Variants in HMCN1 observed in about 807,000 individuals in gnomAD.
HMCN1 encodes hemicentin 1, also known as hemicentin-1.
HMCN1 carries 321 observed loss-of-function variants against 625.9 expected under a neutral mutation model. The observed-to-expected ratio is 0.51, with a 90% confidence interval of 0.47 to 0.56. The LOEUF (loss-of-function observed/expected upper bound fraction) is 0.56. Among genes scored for constraint, HMCN1 ranks in the 20% least tolerant of loss-of-function variants. The pLI is 0.00. For synonymous variants in HMCN1, 2,425 were observed against 2,417.6 expected (o/e 1.00, Z -0.09); for missense variants, 6,588 against 6,887.3 (o/e 0.96, Z 1.54).
In HMCN1 at chr1:185,787,221, A is replaced by G. The variant is rs1657678535; in HGVS notation, c.268+52174A>G. Among the ~76,000 whole-genome samples, 4 of 152,014 alleles carry G rather than the reference A, an allele frequency of 2.6e-5. No individual in the cohort carries two copies. The South Asian group carries it at 8.3e-4, about 31-fold the overall frequency. ...AATGAACAATTGGCCTGAAAGGCAG[A>G]CAGAAAATATTTACCTTCTGGGATA... On this transcript the variant is annotated intron_variant, in intron 1 of 106. Coordinates refer to ENST00000271588, the MANE Select transcript of HMCN1 (RefSeq NM_031935.3).
chr1:185,777,893 A>C (rs1346017400), intron 1 of HMCN1, among the ~76,000 whole-genome samples: 2 of 152,174 alleles, frequency 1.3e-5, no homozygotes, highest in Non-Finnish European at 1.5e-5. Flanking sequence ...AGGACTGGAT[A>C]TATTGGGCAT....
At chr1:186,012,706 T>C (rs917835569) in intron 30 of HMCN1, among the ~76,000 whole-genome samples, 1 of 152,186 alleles carries the variant, frequency 6.6e-6, no homozygotes, top group Non-Finnish European at 1.5e-5. Context: ...CAAATGAGCC[T>C]CTCAGAAATT....
chr1:185,831,457 C>T (rs1571416326), intron 1 of HMCN1, among the ~76,000 whole-genome samples: 1 of 152,248 alleles, frequency 6.6e-6, no homozygotes, highest in East Asian at 1.9e-4. Context: ...CGGGGAAACA[C>T]TAGAAGCACT....
At chr1:185,928,708 T>C (rs1181850930) in intron 10 of HMCN1, 41 bp downstream of exon 10, 1 of 1,603,890 alleles carries the variant, frequency 6.2e-7, no homozygotes, top group African/African-American at 1.3e-5. Flanking sequence ...CAAGTATTAA[T>C]GCAGCTATGG....
At chr1:185,978,967 C>T (rs2101993185) in intron 16 of HMCN1, among the ~76,000 whole-genome samples, 1 of 152,266 alleles carries the variant, frequency 6.6e-6, no homozygotes, top group Non-Finnish European at 1.5e-5. Context: ...TGTCGTGAAC[C>T]ACCATGTCTG....
At chr1:186,033,143 CA>C (rs1220798723) in intron 36 of HMCN1, among the ~76,000 whole-genome samples, 4 of 151,822 alleles carry the variant, frequency 2.6e-5, no homozygotes, top group Non-Finnish European at 5.9e-5. Context: ...ATGTCTTTTG[CA>C]GCAACTTGGA....
At chr1:185,770,363 T>C (rs903238805) in intron 1 of HMCN1, among the ~76,000 whole-genome samples, 2 of 152,162 alleles carry the variant, frequency 1.3e-5, no homozygotes, top group Non-Finnish European at 2.9e-5. Context: ...AAGACCACAA[T>C]TGGGTAGTTG....
intron 70 of HMCN1, 104 bp downstream of exon 70, chr1:186,107,069 A>G: frequency 1.2e-6 from 1 of 811,200 alleles, no homozygotes; most frequent in South Asian, 1.4e-5. Flanking sequence ...AAGTTAGGGA[A>G]TATATATTTT....
At chr1:185,931,526 T>G (rs985517612) in intron 10 of HMCN1, among the ~76,000 whole-genome samples, 1 of 152,072 alleles carries the variant, frequency 6.6e-6, no homozygotes, top group Non-Finnish European at 1.5e-5. Flanking sequence ...TGTATGTTAG[T>G]AGAAAGTTGG....
rs370113249 is a variant in HMCN1, at chr1:185,952,393, A to G, written c.1829-10125A>G. 6.6e-3 allele frequency among the ~76,000 whole-genome samples: 1,000 copies of G among 151,638 alleles called. 26 individuals carry two copies. Among genetic ancestry groups the G allele is most frequent in the African/African-American group, 0.023 (949 of 41,086 alleles). ...GGAGAGGTCAGATGGGTCTGTAGAA[A>G]AGGAAGATTAGAAAGACTCAGCGAC... On this transcript the variant is annotated intron_variant, in intron 11 of 106. Coordinates refer to ENST00000271588, the MANE Select transcript of HMCN1 (RefSeq NM_031935.3).
intron 4 of HMCN1, among the ~76,000 whole-genome samples, chr1:185,904,747 A>G (rs1345095864): frequency 6.6e-6 from 1 of 151,828 alleles, no homozygotes; most frequent in East Asian, 1.9e-4. Context: ...ACCTATGCAA[A>G]TGGCAGTTGT....
At chr1:185,967,440 A>C (rs1412137570) in intron 14 of HMCN1, among the ~76,000 whole-genome samples, 1 of 152,134 alleles carries the variant, frequency 6.6e-6, no homozygotes, top group Non-Finnish European at 1.5e-5. Context: ...TCAATAATCT[A>C]TCATTTTGCT....
chr1:186,108,352 A>G (rs781181182), intron 70 of HMCN1, 109 bp from the exon 71 acceptor site: 173 of 1,519,502 alleles, frequency 1.1e-4, no homozygotes, highest in Middle Eastern at 6.8e-4. Context: ...AAATTAAATG[A>G]GTAATGTTTT....
chr1:186,065,569 A>AT, intron 49 of HMCN1, 140 bp downstream of exon 49: 1 of 575,776 alleles, frequency 1.7e-6, no homozygotes, highest in Non-Finnish European at 2.9e-6. Context: ...TACATTTACT[A>AT]TTTTTCCTGA....
intron 1 of HMCN1, among the ~76,000 whole-genome samples, chr1:185,783,543 T>G (rs977127362): frequency 2.6e-5 from 4 of 152,202 alleles, no homozygotes; most frequent in Non-Finnish European, 5.9e-5. Context: ...TCCTTTCTGT[T>G]TGTTAGTTTT....
intron 89 of HMCN1, among the ~76,000 whole-genome samples, chr1:186,140,540 C>G (rs1422460019): frequency 6.6e-6 from 1 of 152,164 alleles, no homozygotes; most frequent in African/African-American, 2.4e-5. Context: ...ACTTTCTTCA[C>G]TTGTTTAAGG....
At position 186,055,553 on chromosome 1, in the gene HMCN1, A is replaced by C; in HGVS notation, c.7023A>C (p.Ile2341=). The C allele has an allele frequency of 6.2e-7, 1 of 1,612,918 alleles. No homozygotes were observed. The highest frequency in any genetic ancestry group is 1.3e-5 in the African/African-American group (1 of 74,942). ...HPLIKAKGVE[I]LDEGHILQLK... ...TGATCAAGGCAAAGGGAGTAGAAAT[A>C]CTGGATGAAGGTCACATCCTTCAGC... The change falls in exon 45 of 107, where the codon ATA becomes ATC. Residue 2341 remains isoleucine (I), a synonymous_variant. Transcript: ENST00000271588.
intron 1 of HMCN1, among the ~76,000 whole-genome samples, chr1:185,821,592 A>G (rs1386957457): frequency 2.0e-5 from 3 of 152,038 alleles, no homozygotes; most frequent in Admixed American, 6.6e-5. Flanking sequence ...TCTGATGACA[A>G]TTATACTCAT....
chr1:186,152,999 A>T lies in HMCN1; in HGVS notation c.15018+128A>T, dbSNP rs1650771976. ...TGTCCAAACTACCAAGGCTATAAAT[A>T]ACTATCTGATCTTTGTTTAAAAATC... On this transcript the variant is annotated intron_variant, in intron 96 of 106. Coordinates refer to ENST00000271588, the MANE Select transcript of HMCN1 (RefSeq NM_031935.3). The T allele has an allele frequency of 6.4e-6, 8 of 1,240,516 alleles. No individual in the cohort carries two copies. The East Asian group carries it at 1.9e-4, about 30-fold the overall frequency. The allele number at this position is 1,240,516 out of a possible 1,614,324, so 76.8% of individuals were successfully genotyped here.
Sources: allele counts gnomAD v4.1 joint callset (sites outside exome capture counted in the v4.1 genomes callset), GRCh38; gene constraint gnomAD v4.1.1; transcripts MANE v1.5; gene names NCBI Gene and HGNC (gene_info 2026-07-23, HGNC 2026-07-21).